ESR1: variants seen among roughly 807,000 people sequenced by gnomAD.
The protein encoded by ESR1 is estrogen receptor.
ESR1 carries 12 observed loss-of-function variants against 52.7 expected under a neutral mutation model. The ratio of observed to expected loss-of-function variants is 0.23; its 90% CI spans 0.15 to 0.37. The LOEUF is 0.37. Among genes scored for constraint, ESR1 ranks in the 10% least tolerant of loss-of-function variants. ESR1 has a pLI of 1.00. For missense variants in ESR1, 584 were observed against 779.7 expected, an observed-to-expected ratio of 0.75 and a Z score of 2.99; for synonymous variants, 305 against 316.8, an observed-to-expected ratio of 0.96 and a Z score of 0.39.
At chr6:151,662,447 T>C (rs747347615) in intron 1 of ESR1, among the ~76,000 whole-genome samples, 1 of 152,148 alleles carries the variant, frequency 6.6e-6, no homozygotes, top group Non-Finnish European at 1.5e-5. Context: ...TTAAATAACA[T>C]GCCCCCAATC....
chr6:151,727,883 A>G (rs1781958935), intron 2 of ESR1, among the ~76,000 whole-genome samples: 1 of 152,174 alleles, frequency 6.6e-6, no homozygotes, highest in African/African-American at 2.4e-5. Context: ...GCCATCTGCC[A>G]TAATTATCTG....
At chr6:152,107,059 T>C (rs1488964890), downstream of ESR1, among the ~76,000 whole-genome samples, 2 of 152,194 alleles carry the variant, frequency 1.3e-5, no homozygotes, top group Non-Finnish European at 2.9e-5. Flanking sequence ...ATGACTATAA[T>C]GTGTTTTGGT....
At chr6:151,854,469 A>G (rs2128267613) in intron 2 of ESR1, among the ~76,000 whole-genome samples, 1 of 152,342 alleles carries the variant, frequency 6.6e-6, no homozygotes, top group South Asian at 2.1e-4. Flanking sequence ...TTCAGTTGCT[A>G]AGAAATGAAG....
chr6:151,984,682 T>C (rs1014247329), intron 4 of ESR1, among the ~76,000 whole-genome samples: 3 of 152,170 alleles, frequency 2.0e-5, no homozygotes, highest in Non-Finnish European at 2.9e-5. Context: ...TAGAAATGTC[T>C]TTCTTTCTTG....
chr6:152,002,273 G>T (rs1167722550), intron 4 of ESR1, among the ~76,000 whole-genome samples: 1 of 151,046 alleles, frequency 6.6e-6, no homozygotes, highest in Non-Finnish European at 1.5e-5. Context: ...CTTCATGGAG[G>T]GTCTTGAGCT....
chr6:151,867,547 A>G (rs1314255289), intron 2 of ESR1, among the ~76,000 whole-genome samples: 3 of 152,222 alleles, frequency 2.0e-5, no homozygotes, highest in Admixed American at 6.5e-5. Context: ...AGCATATGAA[A>G]AAAAGCTCAT....
chr6:152,080,910 C>T (rs1348066709), intron 6 of ESR1, among the ~76,000 whole-genome samples: 1 of 152,002 alleles, frequency 6.6e-6, no homozygotes, highest in Non-Finnish European at 1.5e-5. Flanking sequence ...ACAGCCACAA[C>T]AAGAAGAGCT....
intron 2 of ESR1, among the ~76,000 whole-genome samples, chr6:151,730,186 C>T (rs1782136285): frequency 6.6e-6 from 1 of 152,044 alleles, no homozygotes; most frequent in African/African-American, 2.4e-5. Flanking sequence ...CAGGGCTAGG[C>T]ATCCTGGTCC....
intron 5 of ESR1, among the ~76,000 whole-genome samples, chr6:152,016,444 ATAT>A (rs1220525152): frequency 6.6e-6 from 1 of 152,206 alleles, no homozygotes; most frequent in African/African-American, 2.4e-5. Context: ...CATGCACTAA[ATAT>A]TATTAAATTT....
At chr6:151,778,458 G>T (rs1285054) in intron 2 of ESR1, among the ~76,000 whole-genome samples, 85,425 of 150,442 alleles carry the variant, frequency 0.57, 24,491 homozygotes, top group East Asian at 0.68. Flanking sequence ...CAGGCTGGAT[G>T]GCGGTGGCAT....
chr6:151,876,772 C>A (rs1791894297), intron 2 of ESR1, among the ~76,000 whole-genome samples: 1 of 152,176 alleles, frequency 6.6e-6, no homozygotes, highest in South Asian at 2.1e-4. Context: ...TCCTGCCAGT[C>A]AAACCTTAGA....
intron 2 of ESR1, among the ~76,000 whole-genome samples, chr6:151,798,141 G>C (rs75666054): frequency 0.022 from 3,304 of 152,272 alleles, 120 homozygotes; most frequent in African/African-American, 0.076. Flanking sequence ...TGGAAAGGGA[G>C]GCTGAGAGAG....
intron 4 of ESR1, among the ~76,000 whole-genome samples, chr6:151,961,114 G>A (rs553353448): frequency 6.6e-6 from 1 of 152,112 alleles, no homozygotes; most frequent in East Asian, 1.9e-4. Flanking sequence ...CTGGAGTTTA[G>A]GAGAGAGGCT....
At chr6:152,088,311 G>C in intron 6 of ESR1, among the ~76,000 whole-genome samples, 1 of 152,134 alleles carries the variant, frequency 6.6e-6, no homozygotes, top group East Asian at 1.9e-4. Context: ...ATATGAAAAA[G>C]TAGAGCAAGA....
rs757629847 is a variant in ESR1, at chr6:151,944,237, G to A, written c.825G>A (p.Glu275=). The change falls in exon 4 of 8, where the codon GAG becomes GAA. Residue 275 remains glutamate, a synonymous_variant. Coordinates refer to ENST00000206249, the MANE Select transcript of ESR1 (RefSeq NM_000125.4). ...LKHKRQRDDG[E]GRGEVGSAGD... ...ACAAGCGCCAGAGAGATGATGGGGAGGGCAGGGGTGAAGTGGGGTCTGCTG... is the reference window on the plus strand; with the variant it reads ...ACAAGCGCCAGAGAGATGATGGGGAAGGCAGGGGTGAAGTGGGGTCTGCTG... 6.2e-7 allele frequency: 1 copy of A among 1,614,128 alleles called. No homozygotes were observed. Among genetic ancestry groups the A allele is most frequent in the Admixed American group, 1.7e-5 (1 of 60,024 alleles).
Position 152,061,339 on chromosome 6 carries a change from A to G in ESR1, c.1369+215A>G, listed in dbSNP as rs34788032. Reference sequence around the variant, plus strand: ...CATGAAAAATTGTAATTTGGCATTGAATCAAATGGCCTTTGAGCTAAAATT... The same window carrying G: ...CATGAAAAATTGTAATTTGGCATTGGATCAAATGGCCTTTGAGCTAAAATT... On this transcript the variant is annotated intron_variant, in intron 6 of 7. Transcript: ENST00000206249. This position sits in a 1 kb window ranked among gnomAD's most constrained non-coding sequence, Gnocchi z 4.3. Among the ~76,000 whole-genome samples the G allele has an allele frequency of 6.3e-3, 958 of 152,346 alleles. 5 individuals are homozygous for G. Among genetic ancestry groups the G allele is most frequent in the Non-Finnish European group, 0.01 (701 of 68,034 alleles).
At chr6:151,685,278 C>A (rs1239609294) in intron 1 of ESR1, among the ~76,000 whole-genome samples, 1 of 151,128 alleles carries the variant, frequency 6.6e-6, no homozygotes, top group Admixed American at 6.6e-5. Flanking sequence ...GGACTACAGG[C>A]GCCCGCCACC....
intron 5 of ESR1, among the ~76,000 whole-genome samples, chr6:152,045,045 T>C (rs1329305309): frequency 6.6e-6 from 1 of 152,170 alleles, no homozygotes; most frequent in Non-Finnish European, 1.5e-5. Context: ...TCAGTATAAA[T>C]TAGATAACTG....
At chr6:151,787,614 TG>T (rs1787147959) in intron 2 of ESR1, among the ~76,000 whole-genome samples, 1 of 152,176 alleles carries the variant, frequency 6.6e-6, no homozygotes, top group Non-Finnish European at 1.5e-5. Flanking sequence ...CAATTGTGAA[TG>T]GGATTGTGTT....
Sources: gnomAD v4.1 joint callset for allele counts (sites outside exome capture counted in the v4.1 genomes callset) on GRCh38, gnomAD v4.1.1 for gene constraint, Gnocchi (gnomAD v3.1) non-coding constraint, MANE v1.5 for transcripts, NCBI Gene and HGNC (gene_info 2026-07-23, HGNC 2026-07-21) for gene names.